The following SFXN5 variants were observed in gnomAD, a reference collection of about 807,000 sequenced individuals.
SFXN5 encodes sideroflexin 5.
In SFXN5, 43 loss-of-function variants were observed where a neutral mutation model predicts 50.2. That is an observed-to-expected ratio of 0.86 (90% CI 0.67 to 1.11). The LOEUF is 1.11. Among genes scored for constraint, SFXN5 ranks in the 50% least tolerant of loss-of-function variants. The pLI, the probability that SFXN5 is intolerant of heterozygous loss-of-function variation, is 0.00. For synonymous variants in SFXN5, 203 were observed against 185.8 expected (o/e 1.09, Z -0.75); for missense variants, 463 against 454.1 (o/e 1.02, Z -0.18).
chr2:73,020,101 A>G, intron 6 of SFXN5, 138 bp downstream of exon 6: 1 of 761,878 alleles, frequency 1.3e-6, no homozygotes, highest in Non-Finnish European at 2.1e-6. Context: ...AATACATATC[A>G]TTTTATTTGG....
intron 9 of SFXN5, among the ~76,000 whole-genome samples, chr2:72,991,499 G>A (rs1337860533): frequency 6.6e-6 from 1 of 152,248 alleles, no homozygotes; most frequent in Non-Finnish European, 1.5e-5. Flanking sequence ...GCCAGTGATG[G>A]GCCCAGTGGC....
At chr2:72,971,488 C>G in intron 11 of SFXN5, 82 bp downstream of exon 11, 2 of 941,464 alleles carry the variant, frequency 2.1e-6, no homozygotes, top group East Asian at 2.6e-5. Context: ...TGGATAGAAG[C>G]CTGTGGAAGA....
At chr2:73,016,851 GA>G (rs536618877) in intron 6 of SFXN5, among the ~76,000 whole-genome samples, 108 of 152,316 alleles carry the variant, frequency 7.1e-4, no homozygotes, top group African/African-American at 2.5e-3. Flanking sequence ...ATCGTAAGTT[GA>G]AAATGGGCAT....
At chr2:73,038,600 G>A (rs1476832322) in intron 3 of SFXN5, among the ~76,000 whole-genome samples, 2 of 152,232 alleles carry the variant, frequency 1.3e-5, no homozygotes, top group African/African-American at 4.8e-5. Flanking sequence ...TGCACTCCAG[G>A]CCTGGGTGAC....
chr2:72,979,441 C>T (rs1671029044), intron 10 of SFXN5, among the ~76,000 whole-genome samples: 1 of 152,142 alleles, frequency 6.6e-6, no homozygotes, highest in South Asian at 2.1e-4. Context: ...CAAGACCAGC[C>T]TGGTCAACAT....
intron 6 of SFXN5, among the ~76,000 whole-genome samples, chr2:73,007,941 G>A (rs959868060): frequency 1.3e-5 from 2 of 152,198 alleles, no homozygotes; most frequent in East Asian, 1.9e-4. Context: ...TCACTGGAGC[G>A]ACACCTCCTG....
At chr2:72,964,335 G>A (rs190568811) in intron 12 of SFXN5, among the ~76,000 whole-genome samples, 6 of 152,368 alleles carry the variant, frequency 3.9e-5, no homozygotes, top group Non-Finnish European at 8.8e-5. Flanking sequence ...CCTCCTCAGC[G>A]GAAGCCCTGC....
intron 3 of SFXN5, among the ~76,000 whole-genome samples, chr2:73,027,859 C>T (rs1436169859): frequency 6.6e-6 from 1 of 151,810 alleles, no homozygotes; most frequent in Non-Finnish European, 1.5e-5. Context: ...ACGTGGTCTC[C>T]CTATGTTGCC....
chr2:72,998,888 T>C lies in SFXN5; in HGVS notation c.534+61A>G, dbSNP rs867055956. The C allele has an allele frequency of 3.0e-5, 47 of 1,574,750 alleles. 3 individuals are homozygous for C. In the Middle Eastern group the frequency reaches 6.5e-3, roughly 217 times the overall value. The stretch of plus-strand genomic sequence containing the variant: ...CCCTCAGACAAGCATCCACCTGCAA[T>C]GCTGAGCGGGGTGGCCCCAGAGCAG... On this transcript the variant is annotated intron_variant, in intron 9 of 13. Transcript: ENST00000272433.
At chr2:72,963,651 G>C (rs895827949) in intron 12 of SFXN5, among the ~76,000 whole-genome samples, 2 of 152,192 alleles carry the variant, frequency 1.3e-5, no homozygotes, top group African/African-American at 4.8e-5. Flanking sequence ...TGGAGCCCAG[G>C]GAGTAAAGGA....
At chr2:73,046,633 C>T (rs1407425191) in intron 2 of SFXN5, among the ~76,000 whole-genome samples, 1 of 151,884 alleles carries the variant, frequency 6.6e-6, no homozygotes, top group Non-Finnish European at 1.5e-5. Flanking sequence ...ACCATGATCA[C>T]TGCCACTGCA....
At chr2:73,058,381 G>A (rs904676212) in intron 2 of SFXN5, 147 bp downstream of exon 2, 4 of 669,936 alleles carry the variant, frequency 6.0e-6, no homozygotes, top group Non-Finnish European at 1.1e-5. Flanking sequence ...ACAGCTACAG[G>A]TAGAGAGAAT....
chr2:72,957,146 C>A (rs771176689), intron 13 of SFXN5: 3 of 450,038 alleles, frequency 6.7e-6, no homozygotes, highest in South Asian at 3.1e-5. Context: ...AACTCCCCCC[C>A]ATACACTGAA....
chr2:72,961,222 CG>C lies in SFXN5; in HGVS notation c.853del (p.Arg285GlyfsTer37), dbSNP rs770034015. 3.9e-6 allele frequency: 6 copies of C among 1,538,432 alleles called. No individual in the cohort carries two copies. Among genetic ancestry groups the C allele is most frequent in the Admixed American group, 2.1e-5 (1 of 46,668 alleles). Reference protein sequence around the residue: ...EKTALLQARPRLLLPVQSLVC... With the variant: ...EKTALLQARPXLLLPVQSLVC... ...GAGGCTTTGCACAGGGAGGAGCAGC[CG>C]GGGGCGTGCCTGCAGGAGAGCCGTC... On this transcript the variant is annotated frameshift_variant, in exon 13 of 14. Coordinates refer to ENST00000272433, the MANE Select transcript of SFXN5 (RefSeq NM_144579.3). LOFTEE classifies it high-confidence loss of function. This position sits in a 1 kb window ranked among gnomAD's most constrained non-coding sequence, Gnocchi z 4.4.
intron 13 of SFXN5, among the ~76,000 whole-genome samples, chr2:72,956,074 G>A (rs1673057062): frequency 6.6e-6 from 1 of 152,244 alleles, no homozygotes; most frequent in African/African-American, 2.4e-5. Flanking sequence ...AGAAAAATGG[G>A]AAAGTGCCCA....
At chr2:72,984,644 G>A (rs535909526) in intron 10 of SFXN5, among the ~76,000 whole-genome samples, 8 of 152,328 alleles carry the variant, frequency 5.3e-5, no homozygotes, top group Admixed American at 4.6e-4. Flanking sequence ...GAGGAGAACC[G>A]AGGGAGGAGA....
chr2:72,965,650 C>A (rs958530997), intron 12 of SFXN5, among the ~76,000 whole-genome samples: 1 of 152,110 alleles, frequency 6.6e-6, no homozygotes, highest in Non-Finnish European at 1.5e-5. Flanking sequence ...CGGCAGAGCC[C>A]GGAAGAAGCA....
chr2:73,010,876 T>C (rs1342665798), intron 6 of SFXN5, among the ~76,000 whole-genome samples: 2 of 152,222 alleles, frequency 1.3e-5, no homozygotes, highest in Non-Finnish European at 2.9e-5. Context: ...GATATAGCCA[T>C]GTTTTAGATA....
At chr2:72,994,043 GCTC>G (rs1158579086) in intron 9 of SFXN5, among the ~76,000 whole-genome samples, 1 of 152,144 alleles carries the variant, frequency 6.6e-6, no homozygotes, top group Non-Finnish European at 1.5e-5. Flanking sequence ...CACGGTAATA[GCTC>G]CTCCAACCTA....
Sources: gnomAD v4.1 joint callset for allele counts (sites outside exome capture counted in the v4.1 genomes callset) on GRCh38, gnomAD v4.1.1 for gene constraint, Gnocchi (gnomAD v3.1) non-coding constraint, MANE v1.5 for transcripts, NCBI Gene and HGNC (gene_info 2026-07-23, HGNC 2026-07-21) for gene names.